Variants in ISOC1 observed in about 807,000 individuals in gnomAD.
ISOC1 encodes the protein isochorismatase domain-containing protein 1.
In ISOC1, 33 loss-of-function variants were observed where a neutral mutation model predicts 30.0. That is an observed-to-expected ratio of 1.10 (90% CI 0.83 to 1.47). The LOEUF (loss-of-function observed/expected upper bound fraction) is 1.47. Among genes scored for constraint, ISOC1 ranks in the 40% most tolerant of loss-of-function variants. The pLI is 0.00. For synonymous variants in ISOC1, 178 were observed against 159.8 expected (o/e 1.11, Z -0.86); for missense variants, 372 against 388.0 (o/e 0.96, Z 0.35).
chr5:129,100,270 A>C (rs1156657538), intron 1 of ISOC1, among the ~76,000 whole-genome samples: 2 of 152,200 alleles, frequency 1.3e-5, no homozygotes, highest in Non-Finnish European at 2.9e-5. Context: ...GGTGATGTGA[A>C]AAGTCTTTTG....
chr5:129,107,970 T>C (rs1367647979), intron 4 of ISOC1, among the ~76,000 whole-genome samples: 1 of 152,218 alleles, frequency 6.6e-6, no homozygotes, highest in African/African-American at 2.4e-5. Context: ...TTGGGAAATA[T>C]TCACTCCATA....
intron 3 of ISOC1, among the ~76,000 whole-genome samples, 171 bp downstream of exon 3, chr5:129,105,559 GTTTA>G (rs1354009067): frequency 2.6e-5 from 4 of 152,116 alleles, no homozygotes; most frequent in Non-Finnish European, 5.9e-5. Context: ...TTTTATAGCT[GTTTA>G]TTTATTAAGT....
intron 4 of ISOC1, among the ~76,000 whole-genome samples, chr5:129,111,664 A>G (rs1753710563): frequency 6.6e-6 from 1 of 152,118 alleles, no homozygotes; most frequent in Non-Finnish European, 1.5e-5. Context: ...AATCCAGAGA[A>G]TGAATCTGTG....
chr5:129,103,471 C>G (rs890206367), intron 1 of ISOC1, among the ~76,000 whole-genome samples: 2 of 152,120 alleles, frequency 1.3e-5, no homozygotes, highest in Non-Finnish European at 2.9e-5. Context: ...ACAGATGGCT[C>G]TCACATTCTA....
intron 4 of ISOC1, among the ~76,000 whole-genome samples, chr5:129,111,133 T>C (rs1753701612): frequency 6.6e-6 from 1 of 152,042 alleles, no homozygotes; most frequent in Non-Finnish European, 1.5e-5. Flanking sequence ...ATTAATCAGC[T>C]GACTATAAAG....
intron 1 of ISOC1, among the ~76,000 whole-genome samples, chr5:129,102,146 C>T (rs1753579757): frequency 6.6e-6 from 1 of 152,152 alleles, no homozygotes; most frequent in Non-Finnish European, 1.5e-5. Flanking sequence ...CTAAGTGCAG[C>T]CACATTCAAG....
intron 4 of ISOC1, among the ~76,000 whole-genome samples, chr5:129,108,849 A>G (rs935559084): frequency 6.6e-6 from 1 of 152,104 alleles, no homozygotes; most frequent in African/African-American, 2.4e-5. Flanking sequence ...GAGTTAATCA[A>G]TTCCTACTTT....
At chr5:129,096,169 C>G (rs1018390245) in intron 1 of ISOC1, among the ~76,000 whole-genome samples, 2 of 152,138 alleles carry the variant, frequency 1.3e-5, no homozygotes, top group Non-Finnish European at 2.9e-5. Flanking sequence ...ATTGGAATAT[C>G]CATTACCTGA....
At chr5:129,101,990 C>T (rs1043883923) in intron 1 of ISOC1, among the ~76,000 whole-genome samples, 1 of 152,144 alleles carries the variant, frequency 6.6e-6, no homozygotes, top group Non-Finnish European at 1.5e-5. Context: ...GGGTCATTCT[C>T]ATTACATCAT....
At chr5:129,111,932 A>G (rs1480658365) in intron 4 of ISOC1, among the ~76,000 whole-genome samples, 1 of 152,136 alleles carries the variant, frequency 6.6e-6, no homozygotes, top group Admixed American at 6.5e-5. Context: ...TCATGATGGC[A>G]GCAGTAGTGG....
intron 1 of ISOC1, among the ~76,000 whole-genome samples, chr5:129,101,697 C>T (rs1192860118): frequency 1.3e-5 from 2 of 152,132 alleles, no homozygotes; most frequent in Non-Finnish European, 2.9e-5. Flanking sequence ...AACATTGGTA[C>T]GTTACTATTA....
At position 129,094,895 on chromosome 5, in the gene ISOC1, C is replaced by A; in HGVS notation, c.129C>A (p.His43Gln). 6.2e-7 allele frequency: 1 copy of A among 1,610,184 alleles called. No individual in the cohort carries two copies. Among genetic ancestry groups the A allele is most frequent in the Non-Finnish European group, 8.5e-7 (1 of 1,179,190 alleles). ...TCGCGCGACCCTCGTCGGTGCCACA[C>A]GGGGCGGGCTACGAGCTGCTCATCC... Reference protein sequence around the residue: ...SVFARPSSVPHGAGYELLIQK... With the variant: ...SVFARPSSVPQGAGYELLIQK... The change falls in exon 1 of 5, where the codon CAC becomes CAA. Residue 43 changes from histidine (H) to glutamine (Q), a missense_variant. Physicochemically the swap from His to Gln is conservative, Grantham distance 24. Coordinates refer to ENST00000173527, the MANE Select transcript of ISOC1 (RefSeq NM_016048.2).
At chr5:129,109,164 A>G (rs1176996054) in intron 4 of ISOC1, among the ~76,000 whole-genome samples, 1 of 152,220 alleles carries the variant, frequency 6.6e-6, no homozygotes, top group East Asian at 1.9e-4. Flanking sequence ...TTCCCATCTG[A>G]ACCATTCTTT....
intron 3 of ISOC1, 137 bp downstream of exon 3, chr5:129,105,525 A>G (rs1200471478): frequency 8.4e-6 from 6 of 712,508 alleles, no homozygotes; most frequent in African/African-American, 5.4e-5. Flanking sequence ...TATGTTCACT[A>G]TTTGCATGGC....
In ISOC1 at chr5:129,105,268, T is replaced by C. The variant is rs774776534; in HGVS notation, c.513T>C (p.Ile171=). ...PKGLGSTVQE[I]DLTGVKLVLP... ...GTCTTGGGAGCACGGTTCAAGAAATTGATTTAACAGGTGTAAAACTGGTAC... is the reference window on the plus strand; with the variant it reads ...GTCTTGGGAGCACGGTTCAAGAAATCGATTTAACAGGTGTAAAACTGGTAC... The change falls in exon 3 of 5, where the codon ATT becomes ATC. Residue 171 remains isoleucine (I), a synonymous_variant. Transcript: ENST00000173527. 4.3e-6 allele frequency: 7 copies of C among 1,613,806 alleles called. No individual in the cohort carries two copies. Among genetic ancestry groups the C allele is most frequent in the Non-Finnish European group, 4.2e-6 (5 of 1,179,886 alleles).
At chr5:129,109,822 C>T (rs557858747) in intron 4 of ISOC1, among the ~76,000 whole-genome samples, 2 of 152,290 alleles carry the variant, frequency 1.3e-5, no homozygotes, top group African/African-American at 4.8e-5. Context: ...GTGGTCCTCT[C>T]CCCTTCCTCT....
rs1167305217 is a variant in ISOC1, at chr5:129,094,974, G to A, written c.208G>A (p.Val70Met). Reference protein sequence around the residue: ...DQIDMHRKFVVQLFAEEWGQY... With the variant: ...DQIDMHRKFVMQLFAEEWGQY... Reference sequence around the variant, plus strand: ...GATCGACATGCACCGCAAATTCGTGGTGCAGCTGTTCGCCGAGGAGTGGGG... The same window carrying A: ...GATCGACATGCACCGCAAATTCGTGATGCAGCTGTTCGCCGAGGAGTGGGG... Residue 70 changes from valine (V) to methionine (M), a missense_variant, in exon 1 of 5, where the codon GTG (valine) becomes ATG (methionine). Coordinates refer to ENST00000173527, the MANE Select transcript of ISOC1 (RefSeq NM_016048.2). The A allele has an allele frequency of 1.2e-6, 2 of 1,611,902 alleles. No homozygotes were observed. Among genetic ancestry groups the A allele is most frequent in the Admixed American group, 3.3e-5 (2 of 59,996 alleles).
intron 1 of ISOC1, among the ~76,000 whole-genome samples, chr5:129,099,045 T>C (rs1185372725): frequency 6.6e-6 from 1 of 152,118 alleles, no homozygotes; most frequent in African/African-American, 2.4e-5. Context: ...GAGGTGGTTG[T>C]ATTGTCTCTA....
At chr5:129,107,145 AG>A (rs1753648178) in intron 4 of ISOC1, 83 bp downstream of exon 4, 1 of 1,111,946 alleles carries the variant, frequency 9.0e-7, no homozygotes, top group Non-Finnish European at 1.4e-6. Flanking sequence ...CAGTAATGAA[AG>A]GTTTACCTCC....
Sources: gnomAD v4.1 joint callset for allele counts (sites outside exome capture counted in the v4.1 genomes callset) on GRCh38, gnomAD v4.1.1 for gene constraint, MANE v1.5 for transcripts, NCBI Gene and HGNC (gene_info 2026-07-23, HGNC 2026-07-21) for gene names.